Variants in RAPGEF6 observed in about 807,000 individuals in gnomAD.
RAPGEF6 encodes Rap guanine nucleotide exchange factor 6.
In RAPGEF6, 56 loss-of-function variants were observed where a neutral mutation model predicts 171.4. The observed-to-expected ratio is 0.33, with a 90% CI of 0.26 to 0.41. RAPGEF6 has a LOEUF of 0.41. RAPGEF6 is among the 10% of genes least tolerant of loss of function. RAPGEF6 has a pLI of 1.00. For missense variants in RAPGEF6, 1,674 were observed against 1,921.4 expected, an observed-to-expected ratio of 0.87 and a Z score of 2.41; for synonymous variants, 692 against 650.1, an observed-to-expected ratio of 1.06 and a Z score of -0.98.
chr5:131,514,281 C>T (rs927997557), intron 7 of RAPGEF6, among the ~76,000 whole-genome samples: 1 of 152,012 alleles, frequency 6.6e-6, no homozygotes, highest in Non-Finnish European at 1.5e-5. Flanking sequence ...AAGACCAACT[C>T]CTTGATTAAA....
At chr5:131,630,323 C>A (rs887770863) in intron 1 of RAPGEF6, among the ~76,000 whole-genome samples, 6 of 152,122 alleles carry the variant, frequency 3.9e-5, no homozygotes, top group African/African-American at 1.4e-4. Context: ...TTTTTTTAGA[C>A]ATAAGGCTAT....
chr5:131,463,811 T>G, intron 18 of RAPGEF6: 1 of 1,160,960 alleles, frequency 8.6e-7, no homozygotes, highest in Non-Finnish European at 1.1e-6. Context: ...CAGATATATA[T>G]GAAGATTTGT....
intron 15 of RAPGEF6, among the ~76,000 whole-genome samples, chr5:131,485,661 T>G (rs1755836076): frequency 6.6e-6 from 1 of 152,212 alleles, no homozygotes; most frequent in Non-Finnish European, 1.5e-5. Flanking sequence ...ATTATGGTAT[T>G]CTTCTGCGAA....
intron 14 of RAPGEF6, among the ~76,000 whole-genome samples, chr5:131,492,031 T>C (rs1044618117): frequency 6.6e-6 from 1 of 152,216 alleles, no homozygotes; most frequent in South Asian, 2.1e-4. Flanking sequence ...TATACTTACC[T>C]AATGCCTATA....
intron 15 of RAPGEF6, among the ~76,000 whole-genome samples, chr5:131,483,437 AAGAAG>A (rs1428912428): frequency 2.6e-4 from 40 of 152,056 alleles, no homozygotes; most frequent in Admixed American, 2.6e-3. Flanking sequence ...GCTTGTTTTA[AAGAAG>A]AGAAATGATT....
intron 3 of RAPGEF6, among the ~76,000 whole-genome samples, chr5:131,596,291 A>C (rs887412401): frequency 1.3e-5 from 2 of 150,014 alleles, no homozygotes; most frequent in Non-Finnish European, 3.0e-5. Context: ...ATAATGATAA[A>C]GGGATCAATT....
intron 1 of RAPGEF6, among the ~76,000 whole-genome samples, chr5:131,624,413 C>T (rs542636542): frequency 1.3e-5 from 2 of 152,148 alleles, no homozygotes; most frequent in Non-Finnish European, 2.9e-5. Context: ...GCAAGGAAAG[C>T]CCCAAGAGAG....
At chr5:131,537,396 C>T (rs1485408088) in intron 6 of RAPGEF6, among the ~76,000 whole-genome samples, 1 of 151,990 alleles carries the variant, frequency 6.6e-6, no homozygotes, top group Non-Finnish European at 1.5e-5. Flanking sequence ...TTTTAAAATG[C>T]CTATTGAGAA....
intron 6 of RAPGEF6, among the ~76,000 whole-genome samples, chr5:131,527,156 G>A (rs568120589): frequency 6.2e-4 from 95 of 152,252 alleles, no homozygotes; most frequent in African/African-American, 2.2e-3. Context: ...GCTTACCCTA[G>A]TGAAGTGTAC....
intron 5 of RAPGEF6, among the ~76,000 whole-genome samples, chr5:131,559,213 C>A (rs1251025069): frequency 1.3e-5 from 2 of 152,142 alleles, no homozygotes; most frequent in Non-Finnish European, 2.9e-5. Flanking sequence ...CCTGTAATCC[C>A]AGCTACCTGG....
chr5:131,464,369 T>G, intron 17 of RAPGEF6, 88 bp from the exon 18 acceptor site: 1 of 928,088 alleles, frequency 1.1e-6, no homozygotes, highest in South Asian at 1.4e-5. Context: ...CAGTGATCCC[T>G]CTGAACACTG....
At chr5:131,543,448 C>G (rs1760290049) in intron 6 of RAPGEF6, among the ~76,000 whole-genome samples, 1 of 152,072 alleles carries the variant, frequency 6.6e-6, no homozygotes, top group Admixed American at 6.6e-5. Flanking sequence ...GCTATTACAA[C>G]AGTCCTATAA....
intron 23 of RAPGEF6, among the ~76,000 whole-genome samples, chr5:131,441,967 T>C (rs1752410567): frequency 6.6e-6 from 1 of 152,204 alleles, no homozygotes; most frequent in Admixed American, 6.5e-5. Flanking sequence ...AAGGGGTCTT[T>C]AAAGACAAAA....
chr5:131,482,390 C>G (rs1210573799), intron 15 of RAPGEF6, among the ~76,000 whole-genome samples: 1 of 152,170 alleles, frequency 6.6e-6, no homozygotes, highest in Admixed American at 6.5e-5. Context: ...GCAGCCTTGA[C>G]TTTATGGGCT....
rs1752430017 is a variant in RAPGEF6, at chr5:131,442,223, C to A, written c.3610+126G>T. 3 of 908,928 alleles carry A rather than the reference C, an allele frequency of 3.3e-6. No homozygotes were observed. The East Asian group carries it at 8.6e-5, about 26-fold the overall frequency. 56.3% of individuals were successfully genotyped at this position (908,928 alleles called of 1,614,324 possible). ...CAAAATGAAATCAACATTTTTGATT[C>A]ATAAAGTGACGATTATATTACACAA... On this transcript the variant is annotated intron_variant, in intron 23 of 27. Transcript: ENST00000509018.
intron 14 of RAPGEF6, among the ~76,000 whole-genome samples, chr5:131,489,917 C>A (rs1756169734): frequency 6.6e-6 from 1 of 151,904 alleles, no homozygotes; most frequent in Non-Finnish European, 1.5e-5. Context: ...AAAAAATACC[C>A]ACACCAGATG....
At chr5:131,463,908 T>G in intron 18 of RAPGEF6, 133 bp downstream of exon 18, 1 of 1,411,204 alleles carries the variant, frequency 7.1e-7, no homozygotes, top group East Asian at 2.4e-5. Context: ...ACAAGATATT[T>G]TATCAAGCGT....
chr5:131,522,509 T>C (rs944005686), intron 6 of RAPGEF6, among the ~76,000 whole-genome samples: 1 of 152,344 alleles, frequency 6.6e-6, no homozygotes, highest in African/African-American at 2.4e-5. Context: ...AGGGAATGAC[T>C]GAGTCTGAAT....
chr5:131,567,634 T>C (rs1031701315), intron 4 of RAPGEF6, among the ~76,000 whole-genome samples: 3 of 152,210 alleles, frequency 2.0e-5, no homozygotes, highest in African/African-American at 7.2e-5. Context: ...TTCAATGTAA[T>C]GAGACTTGTG....
Sources: gnomAD v4.1 joint callset for allele counts (sites outside exome capture counted in the v4.1 genomes callset) on GRCh38, gnomAD v4.1.1 for gene constraint, MANE v1.5 for transcripts, NCBI Gene and HGNC (gene_info 2026-07-23, HGNC 2026-07-21) for gene names.